SPIDR: variants seen among roughly 807,000 people sequenced by gnomAD.
The protein encoded by SPIDR is scaffold protein involved in DNA repair, also known as DNA repair-scaffolding protein.
A neutral mutation model predicts 104.6 loss-of-function variants in SPIDR; 93 were observed. The observed-to-expected ratio is 0.89, with a 90% confidence interval of 0.75 to 1.06. The LOEUF is 1.06. SPIDR is among the 50% of genes least tolerant of loss of function. The pLI, the probability that SPIDR is intolerant of heterozygous loss-of-function variation, is 0.00. For missense variants in SPIDR, 1,154 were observed against 1,111.2 expected (o/e 1.04, Z -0.55); for synonymous variants, 431 against 416.9 (o/e 1.03, Z -0.41).
chr8:47,380,700 A>G (rs564213764), intron 5 of SPIDR, among the ~76,000 whole-genome samples: 1 of 152,280 alleles, frequency 6.6e-6, no homozygotes, highest in South Asian at 2.1e-4. Flanking sequence ...GGTTGGAAAC[A>G]TGTATCTAGT....
chr8:47,396,406 T>A lies in SPIDR; in HGVS notation c.556T>A (p.Ser186Thr). 6.2e-7 allele frequency: 1 copy of A among 1,610,972 alleles called. No homozygotes were observed. Among genetic ancestry groups the A allele is most frequent in the Non-Finnish European group, 8.5e-7 (1 of 1,177,208 alleles). The change falls in exon 6 of 20, where the codon TCA (serine) becomes ACA (threonine). Residue 186 changes from serine to threonine, a missense_variant. Transcript: ENST00000297423. ...PSSIEILEYSSDSEKEDDLEN... is the reference protein window; with the variant it reads ...PSSIEILEYSTDSEKEDDLEN... ...TTCTATAGAAATTTTAGAGTATTCATCAGATAGTGAAAAAGAAGATGATTT... is the reference window on the plus strand; with the variant it reads ...TTCTATAGAAATTTTAGAGTATTCAACAGATAGTGAAAAAGAAGATGATTT...
chr8:47,300,906 A>G (rs921334860), intron 5 of SPIDR, among the ~76,000 whole-genome samples: 1 of 152,194 alleles, frequency 6.6e-6, no homozygotes, highest in Admixed American at 6.5e-5. Context: ...TGTGGTACTG[A>G]GAAGAATGTG....
In SPIDR at chr8:47,401,156, G is replaced by A. The variant is rs577092447; in HGVS notation, c.776+4530G>A. On this transcript the variant is annotated intron_variant, in intron 6 of 19. Coordinates refer to ENST00000297423, the MANE Select transcript of SPIDR (RefSeq NM_001080394.4). ...GAATCTCTCGGCAGACACTCTAGAA[G>A]CCAGAATAGAGTGGGGGGCCAATAT... Among the ~76,000 whole-genome samples the A allele has an allele frequency of 1.8e-4, 28 of 152,282 alleles. No homozygotes were observed. The South Asian group carries it at 4.8e-3, about 26-fold the overall frequency.
chr8:47,606,218 G>C (rs2062923942), intron 10 of SPIDR, among the ~76,000 whole-genome samples: 1 of 152,092 alleles, frequency 6.6e-6, no homozygotes, highest in Admixed American at 6.6e-5. Flanking sequence ...ACTTTGTCCA[G>C]AGCATTAAAC....
intron 8 of SPIDR, among the ~76,000 whole-genome samples, chr8:47,575,596 G>A (rs1232178611): frequency 6.8e-6 from 1 of 146,668 alleles, no homozygotes; most frequent in Non-Finnish European, 1.5e-5. Flanking sequence ...GCAGTGAGCC[G>A]AGATCGCGCC....
chr8:47,548,543 G>C (rs535819365), intron 8 of SPIDR, among the ~76,000 whole-genome samples: 1 of 152,346 alleles, frequency 6.6e-6, no homozygotes, highest in Non-Finnish European at 1.5e-5. Context: ...AGCTACTCGG[G>C]AGGCTGAGGC....
At chr8:47,655,736 C>T (rs1036913753) in intron 10 of SPIDR, among the ~76,000 whole-genome samples, 7 of 152,122 alleles carry the variant, frequency 4.6e-5, no homozygotes, top group Non-Finnish European at 7.4e-5. Context: ...TTAATTAGAT[C>T]GCATTTGTCA....
intron 5 of SPIDR, among the ~76,000 whole-genome samples, chr8:47,383,195 G>C (rs2059522335): frequency 6.6e-6 from 1 of 152,170 alleles, no homozygotes; most frequent in Admixed American, 6.5e-5. Flanking sequence ...CAGGTGCTCT[G>C]TGTCTTTGTG....
chr8:47,320,379 C>T lies in SPIDR; in HGVS notation c.525+26349C>T, dbSNP rs543129393. On this transcript the variant is annotated intron_variant, in intron 5 of 19. Transcript: ENST00000297423. Reference sequence around the variant, plus strand: ...TGGATACATTCCTGGACACATACACCCTCCCAAGACTAAACCAGAAAGAAG... The same window carrying T: ...TGGATACATTCCTGGACACATACACTCTCCCAAGACTAAACCAGAAAGAAG... Among the ~76,000 whole-genome samples, 70 of 152,188 alleles carry T rather than the reference C, an allele frequency of 4.6e-4. 3 individuals are homozygous for T. In the South Asian group the frequency reaches 0.014, roughly 31 times the overall value.
chr8:47,578,752 G>T (rs889742838), intron 8 of SPIDR, among the ~76,000 whole-genome samples: 2 of 152,078 alleles, frequency 1.3e-5, no homozygotes, highest in Admixed American at 6.6e-5. Context: ...ATAAAATATG[G>T]TCTGTTCCTC....
At chr8:47,268,334 A>G (rs1193890147) in intron 1 of SPIDR, among the ~76,000 whole-genome samples, 1 of 152,182 alleles carries the variant, frequency 6.6e-6, no homozygotes. Flanking sequence ...ACATTTCCAT[A>G]TGAATAATAG....
At chr8:47,714,310 A>G (rs1413658693) in intron 16 of SPIDR, among the ~76,000 whole-genome samples, 2 of 152,166 alleles carry the variant, frequency 1.3e-5, no homozygotes, top group African/African-American at 4.8e-5. Flanking sequence ...GACATCTGAC[A>G]ACCTCCGAGC....
chr8:47,439,347 G>A (rs1332664502), intron 7 of SPIDR, among the ~76,000 whole-genome samples: 11 of 151,994 alleles, frequency 7.2e-5, no homozygotes, highest in African/African-American at 2.7e-4. Context: ...TGATTTCTGT[G>A]TTTTTTAAAA....
At chr8:47,688,253 G>T (rs1050304878) in intron 11 of SPIDR, among the ~76,000 whole-genome samples, 1 of 152,074 alleles carries the variant, frequency 6.6e-6, no homozygotes, top group African/African-American at 2.4e-5. Context: ...CTCCCTAGTA[G>T]CTGGGACTAC....
At chr8:47,604,815 G>C (rs73567590) in intron 10 of SPIDR, among the ~76,000 whole-genome samples, 5,935 of 152,252 alleles carry the variant, frequency 0.039, 328 homozygotes, top group African/African-American at 0.13. Flanking sequence ...ATGAGACATC[G>C]AAGAAGAGAT....
chr8:47,733,278 T>C lies in SPIDR; in HGVS notation c.2605-2029T>C, dbSNP rs181680088. ...GGTGCGCACCTGTAATCCCAGCTAC[T>C]TGGAAGGCTGAGGCAGGAGAACTGC... is the stretch of plus-strand genomic sequence containing the variant. On this transcript the variant is annotated intron_variant, in intron 19 of 19. Transcript: ENST00000297423. Among the ~76,000 whole-genome samples the C allele has an allele frequency of 3.5e-4, 54 of 152,220 alleles. No homozygotes were observed. In the East Asian group the frequency reaches 6.4e-3, roughly 18 times the overall value.
intron 11 of SPIDR, among the ~76,000 whole-genome samples, chr8:47,682,254 C>CAAAAAAAAAAAAAAAAAAAAAAA (rs752295991): frequency 1.4e-5 from 1 of 72,194 alleles, no homozygotes. Context: ...ATGCTAAGTC[C>CAAAAAAAAAAAAAAAAAAAAAAA]AAAAAAAAAA....
intron 5 of SPIDR, among the ~76,000 whole-genome samples, chr8:47,317,850 C>A (rs1554591236): frequency 6.6e-6 from 1 of 152,248 alleles, no homozygotes; most frequent in African/African-American, 2.4e-5. Flanking sequence ...GTGGAGTGGA[C>A]CTCCAGCAAA....
rs775384572 is a variant in SPIDR at position 47,735,400 on chromosome 8, T to C, written c.2698T>C (p.Leu900=). The C allele has an allele frequency of 1.1e-5, 17 of 1,613,960 alleles. No homozygotes were observed. In the East Asian group the frequency reaches 3.8e-4, roughly 36 times the overall value. The part of the protein sequence containing the change: ...VTAHPTSCIG[L]EEIELLSAGG... ...CGCCCACCCGACCAGCTGCATTGGA[T>C]TGGAGGAAATCGAGCTTCTGAGTGC... The change falls in exon 20 of 20, where the codon TTG becomes CTG. Residue 900 remains leucine (L), a synonymous_variant. Coordinates refer to ENST00000297423, the MANE Select transcript of SPIDR (RefSeq NM_001080394.4).
Sources: gnomAD v4.1 joint callset for allele counts (sites outside exome capture counted in the v4.1 genomes callset) on GRCh38, gnomAD v4.1.1 for gene constraint, MANE v1.5 for transcripts, NCBI Gene and HGNC (gene_info 2026-07-23, HGNC 2026-07-21) for gene names.